PTPN12: variants seen among roughly 807,000 people sequenced by gnomAD.
The protein encoded by PTPN12 is tyrosine-protein phosphatase non-receptor type 12.
A neutral mutation model predicts 97.6 loss-of-function variants in PTPN12; 29 were observed. The observed-to-expected ratio is 0.30, with a 90% CI of 0.22 to 0.41. The LOEUF (loss-of-function observed/expected upper bound fraction) is 0.41, where lower values mean the gene tolerates loss of function less well. PTPN12 is among the 10% of genes least tolerant of loss of function. PTPN12 has a pLI of 1.00. For synonymous variants in PTPN12, 327 were observed against 300.4 expected (o/e 1.09, Z -0.91); for missense variants, 819 against 926.0 (o/e 0.88, Z 1.50).
chr7:77,585,678 A>G (rs1256119170), intron 5 of PTPN12, 97 bp downstream of exon 5: 27 of 1,077,012 alleles, frequency 2.5e-5, no homozygotes, highest in Non-Finnish European at 3.5e-5. Flanking sequence ...TAATGTAGAT[A>G]CTTCTTTTAT....
intron 7 of PTPN12, among the ~76,000 whole-genome samples, chr7:77,600,182 A>G (rs188384267): frequency 5.1e-4 from 77 of 152,284 alleles, no homozygotes; most frequent in African/African-American, 1.8e-3. Context: ...TCATCTCTCC[A>G]TTCTTTTTCA....
At chr7:77,628,329 A>G (rs1205061855) in intron 13 of PTPN12, among the ~76,000 whole-genome samples, 1 of 152,220 alleles carries the variant, frequency 6.6e-6, no homozygotes, top group Non-Finnish European at 1.5e-5. Context: ...GCATGCACTC[A>G]GTTCCCAAAG....
intron 13 of PTPN12, 45 bp downstream of exon 13, chr7:77,627,720 A>G: frequency 6.8e-7 from 1 of 1,477,624 alleles, no homozygotes; most frequent in South Asian, 1.4e-5. Context: ...CCTATGTGCT[A>G]GTCACTGTTT....
intron 15 of PTPN12, among the ~76,000 whole-genome samples, chr7:77,636,331 A>G (rs926394470): frequency 1.3e-5 from 2 of 151,942 alleles, no homozygotes; most frequent in Non-Finnish European, 2.9e-5. Context: ...GTCTGTAATC[A>G]CAGCACTTTG....
chr7:77,618,072 C>T (rs1788810682), intron 11 of PTPN12, among the ~76,000 whole-genome samples: 1 of 151,974 alleles, frequency 6.6e-6, no homozygotes, highest in Admixed American at 6.6e-5. Context: ...AAAGATACTC[C>T]ATTACTTGGT....
At chr7:77,574,010 C>T (rs540281574) in intron 2 of PTPN12, among the ~76,000 whole-genome samples, 1 of 152,276 alleles carries the variant, frequency 6.6e-6, no homozygotes, top group African/African-American at 2.4e-5. Flanking sequence ...ATCCGCCTCC[C>T]TTGGCATTTA....
chr7:77,582,084 C>CTG (rs1787534904), intron 3 of PTPN12, among the ~76,000 whole-genome samples: 1 of 52,846 alleles, frequency 1.9e-5, no homozygotes, highest in Admixed American at 3.0e-4. Flanking sequence ...CAGTCAAGTT[C>CTG]TTTTTTTTTT....
At position 77,585,509 on chromosome 7, in the gene PTPN12, G is replaced by C. The variant is rs772286696; in HGVS notation, c.382-34G>C. On this transcript the variant is annotated intron_variant, in intron 4 of 17. Coordinates refer to ENST00000248594, the MANE Select transcript of PTPN12 (RefSeq NM_002835.4). ...AAGTAAAATTGTGTTTAACTGATAC[G>C]TTCTTTATCTCACTCCCCACCATCA... 8 of 1,575,788 alleles carry C rather than the reference G, an allele frequency of 5.1e-6. No individual in the cohort carries two copies. In the African/African-American group the frequency reaches 8.1e-5, roughly 16 times the overall value.
Position 77,550,970 on chromosome 7 carries a change from T to C in PTPN12, c.99+13325T>C, listed in dbSNP as rs1029791271. ...ATTGACTTTGTCTTCAGGATCATAC[T>C]GGTAAAGCCATGTTTCATCTCCTAT... On this transcript the variant is annotated intron_variant, in intron 1 of 17. Coordinates refer to ENST00000248594, the MANE Select transcript of PTPN12 (RefSeq NM_002835.4). Among the ~76,000 whole-genome samples the C allele has an allele frequency of 2.0e-5, 3 of 152,358 alleles. No individual in the cohort carries two copies. In the East Asian group the frequency reaches 5.8e-4, roughly 29 times the overall value.
chr7:77,593,274 A>C (rs951310445), intron 6 of PTPN12, among the ~76,000 whole-genome samples: 5 of 152,150 alleles, frequency 3.3e-5, no homozygotes, highest in Middle Eastern at 3.4e-3. Context: ...CATCTCAAAA[A>C]AAAAAAAAAA....
rs906135924 is a variant in PTPN12, at chr7:77,537,311, G to T, written c.-236G>T. ...GGGGTTGGCGCTAGCGCAGCGGCTC[G>T]CCTGGTACTGTGGGAGAGCGGCGGC... On this transcript the variant is annotated 5_prime_UTR_variant, in exon 1 of 18. Transcript: ENST00000248594. 6 of 484,456 alleles carry T rather than the reference G, an allele frequency of 1.2e-5. No individual in the cohort carries two copies. The East Asian group carries it at 2.5e-4, about 20-fold the overall frequency. 30.0% of individuals were successfully genotyped at this position (484,456 alleles called of 1,614,324 possible).
intron 1 of PTPN12, among the ~76,000 whole-genome samples, chr7:77,568,572 G>A (rs1226373284): frequency 2.0e-5 from 3 of 152,172 alleles, no homozygotes; most frequent in Non-Finnish European, 2.9e-5. Context: ...GAACATGGGA[G>A]TTTGAAGCTA....
chr7:77,620,268 C>A (rs1788887369), intron 12 of PTPN12, among the ~76,000 whole-genome samples: 1 of 152,046 alleles, frequency 6.6e-6, no homozygotes, highest in Non-Finnish European at 1.5e-5. Context: ...AGCCTTTTTC[C>A]TATACCTGTT....
rs573523571 is a variant in PTPN12 at position 77,584,527 on chromosome 7, T to C, written c.381+877T>C. Among the ~76,000 whole-genome samples the C allele has an allele frequency of 7.2e-5, 11 of 152,286 alleles. No homozygotes were observed. The East Asian group carries it at 2.1e-3, about 29-fold the overall frequency. Reference sequence around the variant, plus strand: ...GAATGTTCACTTTAGGATTTGTGCATTTCATTATATGTAAAATTTGCCTCA... The same window carrying C: ...GAATGTTCACTTTAGGATTTGTGCACTTCATTATATGTAAAATTTGCCTCA... On this transcript the variant is annotated intron_variant, in intron 4 of 17. Coordinates refer to ENST00000248594, the MANE Select transcript of PTPN12 (RefSeq NM_002835.4).
chr7:77,582,017 A>T (rs1410459127), intron 3 of PTPN12, among the ~76,000 whole-genome samples: 1 of 151,614 alleles, frequency 6.6e-6, no homozygotes, highest in Non-Finnish European at 1.5e-5. Flanking sequence ...GCAACCCAAA[A>T]TCCAAGATTA....
chr7:77,614,454 C>A (rs1788682791), intron 11 of PTPN12, among the ~76,000 whole-genome samples: 1 of 151,674 alleles, frequency 6.6e-6, no homozygotes, highest in Non-Finnish European at 1.5e-5. Context: ...GAAATAATAC[C>A]CATAGCAGAT....
At chr7:77,624,869 C>T (rs1789077933) in intron 12 of PTPN12, among the ~76,000 whole-genome samples, 1 of 151,996 alleles carries the variant, frequency 6.6e-6, no homozygotes. Flanking sequence ...TCCAGTGGCT[C>T]ACCCCTGTAA....
At chr7:77,547,570 T>A (rs1043867392) in intron 1 of PTPN12, among the ~76,000 whole-genome samples, 1 of 152,180 alleles carries the variant, frequency 6.6e-6, no homozygotes, top group African/African-American at 2.4e-5. Flanking sequence ...GGGGCTCTAA[T>A]ACCTACCTGG....
intron 6 of PTPN12, among the ~76,000 whole-genome samples, chr7:77,592,604 G>C (rs894326959): frequency 5.3e-4 from 81 of 152,100 alleles, no homozygotes; most frequent in African/African-American, 1.9e-3. Flanking sequence ...TTGGTAACTG[G>C]AGTACAGTGT....
Sources: allele counts gnomAD v4.1 joint callset (sites outside exome capture counted in the v4.1 genomes callset), GRCh38; gene constraint gnomAD v4.1.1; transcripts MANE v1.5; gene names NCBI Gene and HGNC (gene_info 2026-07-23, HGNC 2026-07-21).